The following VWA8 variants were observed in gnomAD, a reference collection of about 807,000 sequenced individuals.
VWA8 encodes von Willebrand factor A domain containing 8, also known as von Willebrand factor A domain-containing protein 8.
A neutral mutation model predicts 241.5 loss-of-function variants in VWA8; 221 were observed. That is an observed-to-expected ratio of 0.91 (90% CI 0.82 to 1.02). The LOEUF (loss-of-function observed/expected upper bound fraction) is 1.02, where lower values mean the gene tolerates loss of function less well. VWA8 is among the 50% of genes least tolerant of loss of function. VWA8 has a pLI of 0.00. For synonymous variants in VWA8, 852 were observed against 827.1 expected (o/e 1.03, Z -0.52); for missense variants, 2,322 against 2,328.7 (o/e 1.00, Z 0.06).
At chr13:41,596,811 A>C (rs976432606) in intron 40 of VWA8, among the ~76,000 whole-genome samples, 6 of 151,586 alleles carry the variant, frequency 4.0e-5, no homozygotes, top group African/African-American at 1.5e-4. Context: ...ACACACACAC[A>C]CACACACACA....
intron 12 of VWA8, among the ~76,000 whole-genome samples, chr13:41,837,577 T>C (rs2138010621): frequency 1.3e-5 from 2 of 152,330 alleles, no homozygotes; most frequent in Middle Eastern, 6.8e-3. Context: ...ATGGTTTCTG[T>C]CTATAGAATA....
chr13:41,917,962 G>A (rs1242919770), intron 2 of VWA8, among the ~76,000 whole-genome samples: 1 of 152,128 alleles, frequency 6.6e-6, no homozygotes, highest in Non-Finnish European at 1.5e-5. Flanking sequence ...GCAACTACGT[G>A]CTCATCTGCT....
chr13:41,892,665 G>A (rs973406843), intron 4 of VWA8, among the ~76,000 whole-genome samples: 9 of 152,118 alleles, frequency 5.9e-5, no homozygotes, highest in African/African-American at 2.2e-4. Flanking sequence ...CCTCATATGG[G>A]GTCCCTCAGA....
At chr13:41,926,998 C>T in intron 2 of VWA8, 1 of 447,588 alleles carries the variant, frequency 2.2e-6, no homozygotes, top group Middle Eastern at 4.3e-4. Context: ...AGCGCTATGG[C>T]AAATGGCACC....
chr13:41,585,149 G>C (rs763969598), intron 42 of VWA8, among the ~76,000 whole-genome samples: 8 of 151,376 alleles, frequency 5.3e-5, no homozygotes, highest in Non-Finnish European at 1.0e-4. Flanking sequence ...TTTTGTGTGT[G>C]ACAGGTCTAG....
chr13:41,868,386 G>C lies in VWA8; in HGVS notation c.1172C>G (p.Ser391Cys). 1 of 1,614,142 alleles carries C rather than the reference G, an allele frequency of 6.2e-7. No homozygotes were observed. The highest frequency in any genetic ancestry group is 8.5e-7 in the Non-Finnish European group (1 of 1,180,014). ...KMMENHVSQASVTIRIADKEV... is the reference protein window; with the variant it reads ...KMMENHVSQACVTIRIADKEV... ...TTTATCTGCAATCCGGATGGTCACA[G>C]AAGCTTGGGACACATGGTTTTCCAT... The change falls in exon 10 of 45, where the codon TCT (serine) becomes TGT (cysteine). Residue 391 changes from serine to cysteine, a missense_variant. Ser to Cys is a moderately radical substitution (Grantham distance 112). Transcript: ENST00000379310.
intron 23 of VWA8, among the ~76,000 whole-genome samples, chr13:41,729,224 GA>G (rs750422472): frequency 3.3e-5 from 5 of 149,652 alleles, no homozygotes; most frequent in Admixed American, 2.0e-4. Flanking sequence ...TGAGCAAATT[GA>G]AAAAAAAATC....
At chr13:41,580,055 A>G (rs1228619035) in intron 42 of VWA8, among the ~76,000 whole-genome samples, 7 of 149,942 alleles carry the variant, frequency 4.7e-5, no homozygotes, top group African/African-American at 1.7e-4. Flanking sequence ...GGGTCTTGCT[A>G]CATTGCACAT....
At chr13:41,587,393 A>T in intron 42 of VWA8, 119 bp downstream of exon 42, 2 of 1,314,266 alleles carry the variant, frequency 1.5e-6, no homozygotes, top group Non-Finnish European at 2.1e-6. Context: ...CTTTCTCTGC[A>T]CTGATGAATG....
chr13:41,732,184 T>C, intron 21 of VWA8, 29 bp from the exon 22 acceptor site: 1 of 1,591,542 alleles, frequency 6.3e-7, no homozygotes, highest in Non-Finnish European at 8.6e-7. Flanking sequence ...ATTTTATAGT[T>C]AGGAAGGAAA....
At chr13:41,767,111 T>C (rs2045784244) in intron 20 of VWA8, among the ~76,000 whole-genome samples, 1 of 152,224 alleles carries the variant, frequency 6.6e-6, no homozygotes, top group Non-Finnish European at 1.5e-5. Flanking sequence ...AATTCTTTAA[T>C]AATTTTCATA....
At chr13:41,919,550 C>G (rs1308889174) in intron 2 of VWA8, among the ~76,000 whole-genome samples, 1 of 152,116 alleles carries the variant, frequency 6.6e-6, no homozygotes, top group Non-Finnish European at 1.5e-5. Flanking sequence ...TTTGCCATCA[C>G]TGCAGCACAG....
intron 21 of VWA8, among the ~76,000 whole-genome samples, chr13:41,759,517 A>G (rs1024357912): frequency 1.1e-4 from 16 of 150,614 alleles, no homozygotes; most frequent in African/African-American, 2.9e-4. Flanking sequence ...TTTCTGTCCC[A>G]TTTTTTTCTC....
chr13:41,679,532 T>C (rs1028909241), intron 35 of VWA8, among the ~76,000 whole-genome samples: 1 of 152,194 alleles, frequency 6.6e-6, no homozygotes, highest in African/African-American at 2.4e-5. Context: ...ATTTTGTGTT[T>C]AAAGAGCTCA....
intron 23 of VWA8, among the ~76,000 whole-genome samples, 186 bp from the exon 24 acceptor site, chr13:41,727,499 A>C (rs2045446245): frequency 6.6e-6 from 1 of 152,168 alleles, no homozygotes; most frequent in African/African-American, 2.4e-5. Context: ...AGAACCAAAC[A>C]CTGATAAAGC....
At chr13:41,626,439 CA>C (rs1298492124) in intron 37 of VWA8, among the ~76,000 whole-genome samples, 2 of 151,804 alleles carry the variant, frequency 1.3e-5, no homozygotes, top group Non-Finnish European at 2.9e-5. Flanking sequence ...CATAAGGAAC[CA>C]AAAAAGAGCC....
chr13:41,786,621 C>G (rs1011849374), intron 18 of VWA8, among the ~76,000 whole-genome samples: 7 of 152,092 alleles, frequency 4.6e-5, no homozygotes, highest in African/African-American at 1.7e-4. Flanking sequence ...TGAGTTGACT[C>G]TGCGTATCTG....
At chr13:41,636,344 T>C (rs1229317551) in intron 37 of VWA8, among the ~76,000 whole-genome samples, 1 of 152,174 alleles carries the variant, frequency 6.6e-6, no homozygotes, top group Non-Finnish European at 1.5e-5. Context: ...CCCTATTTAA[T>C]AAATGGTGGT....
intron 5 of VWA8, 141 bp downstream of exon 5, chr13:41,891,279 T>C (rs1874825443): frequency 1.0e-6 from 1 of 961,722 alleles, no homozygotes; most frequent in East Asian, 2.5e-5. Flanking sequence ...AAGCTGTAAA[T>C]TCATGACTCT....
Sources: gnomAD v4.1 joint callset for allele counts (sites outside exome capture counted in the v4.1 genomes callset) on GRCh38, gnomAD v4.1.1 for gene constraint, MANE v1.5 for transcripts, NCBI Gene and HGNC (gene_info 2026-07-23, HGNC 2026-07-21) for gene names.